EPHA6: variants seen among roughly 807,000 people sequenced by gnomAD.
EPHA6 encodes the protein ephrin type-A receptor 6.
Under a neutral mutation model 112.0 loss-of-function variants are expected in EPHA6, and 50 were observed. That is an observed-to-expected ratio of 0.45 (90% CI 0.36 to 0.56). The LOEUF is 0.56. Ranked by LOEUF, EPHA6 falls within the 20% of genes least tolerant of loss-of-function variation. EPHA6 has a pLI of 0.00. For missense variants in EPHA6, 1,280 were observed against 1,417.4 expected (o/e 0.90, Z 1.56); for synonymous variants, 529 against 490.7 (o/e 1.08, Z -1.03).
chr3:97,516,000 A>G (rs1455443601), intron 10 of EPHA6, among the ~76,000 whole-genome samples: 1 of 151,892 alleles, frequency 6.6e-6, no homozygotes, highest in Non-Finnish European at 1.5e-5. Context: ...CCTGGCCTAG[A>G]CCTTACGGAC....
At chr3:97,085,951 A>ATATATATATATATATG (rs1434635976) in intron 3 of EPHA6, among the ~76,000 whole-genome samples, 2 of 145,884 alleles carry the variant, frequency 1.4e-5, no homozygotes, top group African/African-American at 5.4e-5. Flanking sequence ...ATATATATAC[A>ATATATATATATATATG]CACTGAGATG....
At chr3:97,384,100 A>G (rs1264062772) in intron 5 of EPHA6, among the ~76,000 whole-genome samples, 1 of 152,194 alleles carries the variant, frequency 6.6e-6, no homozygotes, top group Non-Finnish European at 1.5e-5. Flanking sequence ...GTTAAGTGAA[A>G]TGGCTGTTTT....
intron 3 of EPHA6, among the ~76,000 whole-genome samples, chr3:97,189,383 C>T (rs904170843): frequency 6.6e-6 from 1 of 152,018 alleles, no homozygotes; most frequent in Non-Finnish European, 1.5e-5. Context: ...GTTAGTTCAG[C>T]TGAGGGTTTT....
intron 12 of EPHA6, chr3:97,606,023 T>A (rs2093677785): frequency 6.6e-6 from 1 of 151,376 alleles, no homozygotes; most frequent in Non-Finnish European, 1.5e-5. Context: ...AACTAGAAAT[T>A]AAGGTAAAGA....
chr3:96,998,694 G>A (rs1439766471), intron 3 of EPHA6, among the ~76,000 whole-genome samples: 3 of 151,614 alleles, frequency 2.0e-5, no homozygotes, highest in East Asian at 1.9e-4. Flanking sequence ...GATGTGTCTG[G>A]GTGTGGATTT....
intron 13 of EPHA6, among the ~76,000 whole-genome samples, chr3:97,629,007 A>G (rs972989372): frequency 2.6e-4 from 39 of 152,070 alleles, no homozygotes; most frequent in African/African-American, 9.2e-4. Context: ...ATTATAGTTC[A>G]CCGCAACCTC....
intron 12 of EPHA6, among the ~76,000 whole-genome samples, chr3:97,598,773 A>G (rs2093616878): frequency 6.6e-6 from 1 of 151,668 alleles, no homozygotes; most frequent in Non-Finnish European, 1.5e-5. Flanking sequence ...TCATTTGGGT[A>G]TATACCCAGT....
At chr3:97,625,771 A>T (rs550020668) in intron 13 of EPHA6, among the ~76,000 whole-genome samples, 1 of 151,904 alleles carries the variant, frequency 6.6e-6, no homozygotes, top group African/African-American at 2.4e-5. Flanking sequence ...TGGACTATGT[A>T]TACACTGAAA....
intron 5 of EPHA6, among the ~76,000 whole-genome samples, chr3:97,369,467 A>G (rs1429489088): frequency 6.6e-6 from 1 of 152,196 alleles, no homozygotes; most frequent in Non-Finnish European, 1.5e-5. Flanking sequence ...AGGGTTAAAT[A>G]AAATGTAGGA....
At chr3:96,892,984 G>C (rs550935515) in intron 2 of EPHA6, among the ~76,000 whole-genome samples, 1 of 143,716 alleles carries the variant, frequency 7.0e-6, no homozygotes, top group African/African-American at 2.8e-5. Flanking sequence ...GTGTGTGTTC[G>C]TGTGTGTGTG....
rs2092129961 is a variant in EPHA6, at chr3:97,501,998, A to G, written c.2200+17939A>G. The stretch of plus-strand genomic sequence containing the variant: ...AGTAGAGGCCATGTCTGTGCCTTCC[A>G]TGGAGACAAGACAAGATGATGGATC... On this transcript the variant is annotated intron_variant, in intron 10 of 17. Transcript: ENST00000389672. 2.0e-5 allele frequency among the ~76,000 whole-genome samples: 3 copies of G among 151,882 alleles called. No homozygotes were observed. The South Asian group carries it at 6.2e-4, about 32-fold the overall frequency.
chr3:96,962,136 C>T (rs2041966722), intron 2 of EPHA6, among the ~76,000 whole-genome samples: 1 of 145,258 alleles, frequency 6.9e-6, no homozygotes, highest in African/African-American at 2.8e-5. Flanking sequence ...GAGAAACCTT[C>T]TGCAGTTTTG....
At chr3:97,296,264 G>T (rs992625380) in intron 5 of EPHA6, among the ~76,000 whole-genome samples, 2 of 152,092 alleles carry the variant, frequency 1.3e-5, no homozygotes, top group African/African-American at 4.8e-5. Context: ...CTGTACTCAG[G>T]CCCCTGGGAG....
intron 5 of EPHA6, among the ~76,000 whole-genome samples, chr3:97,290,313 G>T (rs962756996): frequency 6.6e-6 from 1 of 152,076 alleles, no homozygotes; most frequent in South Asian, 2.1e-4. Flanking sequence ...TGGTTGTTAG[G>T]ATTTCAATTT....
chr3:97,404,746 C>G (rs1374462498), intron 5 of EPHA6, among the ~76,000 whole-genome samples: 5 of 152,002 alleles, frequency 3.3e-5, no homozygotes, highest in Non-Finnish European at 5.9e-5. Flanking sequence ...AAGGGAGAAG[C>G]CTATAAATGA....
intron 11 of EPHA6, among the ~76,000 whole-genome samples, chr3:97,548,482 T>A (rs538678352): frequency 7.9e-5 from 12 of 152,282 alleles, no homozygotes; most frequent in Admixed American, 2.6e-4. Context: ...TTCTCAAACT[T>A]TTGTGCACTA....
intron 5 of EPHA6, among the ~76,000 whole-genome samples, chr3:97,298,466 ATAAT>A (rs1490930352): frequency 4.6e-5 from 7 of 152,166 alleles, no homozygotes; most frequent in African/African-American, 9.7e-5. Flanking sequence ...AACTTAGTAA[ATAAT>A]TAATTACAGT....
chr3:96,994,709 GTATATATATA>G (rs66581386), intron 3 of EPHA6, among the ~76,000 whole-genome samples: 3 of 98,440 alleles, frequency 3.0e-5, no homozygotes, highest in East Asian at 2.7e-4. Context: ...GTGTGTGTGT[GTATATATATA>G]TATATATATA....
intron 13 of EPHA6, among the ~76,000 whole-genome samples, chr3:97,618,861 G>GAAAC (rs1459687024): frequency 6.6e-6 from 1 of 151,864 alleles, no homozygotes; most frequent in African/African-American, 2.4e-5. Context: ...CATTCCTACT[G>GAAAC]AAACAATACT....
Sources: gnomAD v4.1 joint callset for allele counts (sites outside exome capture counted in the v4.1 genomes callset) on GRCh38, gnomAD v4.1.1 for gene constraint, MANE v1.5 for transcripts, NCBI Gene and HGNC (gene_info 2026-07-23, HGNC 2026-07-21) for gene names.